HEATR4: variants seen among roughly 807,000 people sequenced by gnomAD.
HEATR4 encodes the protein HEAT repeat-containing protein 4.
Under a neutral mutation model 108.8 loss-of-function variants are expected in HEATR4, and 95 were observed. The ratio of observed to expected loss-of-function variants is 0.87; its 90% CI spans 0.74 to 1.04. The LOEUF is 1.04. Ranked by LOEUF, HEATR4 falls within the 50% of genes least tolerant of loss-of-function variation. The pLI, the probability that HEATR4 is intolerant of heterozygous loss-of-function variation, is 0.00. For missense variants in HEATR4, 1,152 were observed against 1,253.8 expected, an observed-to-expected ratio of 0.92 and a Z score of 1.23; for synonymous variants, 443 against 459.4, an observed-to-expected ratio of 0.96 and a Z score of 0.46.
the HEATR4 span, among the ~76,000 whole-genome samples, chr14:73,615,249 T>C: frequency 6.7e-6 from 1 of 149,302 alleles, no homozygotes; most frequent in Non-Finnish European, 1.5e-5. Flanking sequence ...TAGCCGGGCA[T>C]GGTGGCGGGC....
At chr14:73,601,231 C>T in the HEATR4 span, among the ~76,000 whole-genome samples, 1 of 152,194 alleles carries the variant, frequency 6.6e-6, no homozygotes, top group African/African-American at 2.4e-5. Flanking sequence ...TGACTGTCTT[C>T]CCAAAAATAT....
chr14:73,526,547 G>A (rs1888348530), intron 2 of HEATR4, among the ~76,000 whole-genome samples: 1 of 151,892 alleles, frequency 6.6e-6, no homozygotes, highest in Admixed American at 6.6e-5. Flanking sequence ...AAAGGAGAGG[G>A]AAGAGTACTC....
intron 17 of HEATR4, among the ~76,000 whole-genome samples, chr14:73,480,340 C>T (rs1176443546): frequency 1.3e-5 from 2 of 152,132 alleles, no homozygotes; most frequent in African/African-American, 4.8e-5. Context: ...ACTCGGGAGG[C>T]TGAGGCAGAA....
intron 8 of HEATR4, among the ~76,000 whole-genome samples, chr14:73,508,751 CAAAAAAAAA>C (rs770608293): frequency 1.2e-4 from 7 of 57,882 alleles, no homozygotes; most frequent in African/African-American, 4.6e-4. Flanking sequence ...AACTCTGTCT[CAAAAAAAAA>C]AAAAAAAAAA....
At chr14:73,619,418 T>A in the HEATR4 span, 15 of 1,614,176 alleles carry the variant, frequency 9.3e-6, no homozygotes, top group Non-Finnish European at 1.1e-5. Context: ...CTAGGAAAAG[T>A]AAAAATCACT....
chr14:73,576,932 C>CT, the HEATR4 span, among the ~76,000 whole-genome samples: 897 of 91,556 alleles, frequency 9.8e-3, 11 homozygotes, highest in South Asian at 0.028. Flanking sequence ...CTTTTCTTTT[C>CT]TTTTTTTTTT....
the HEATR4 span, chr14:73,567,786 G>A: frequency 6.6e-6 from 1 of 151,654 alleles, no homozygotes; most frequent in Admixed American, 6.6e-5. Flanking sequence ...CCACTGAGAG[G>A]AACAAGAAAA....
chr14:73,611,041 T>G, the HEATR4 span: 1 of 152,242 alleles, frequency 6.6e-6, no homozygotes, highest in Non-Finnish European at 1.5e-5. Flanking sequence ...GCTGCCTATC[T>G]GTAAGTAATA....
chr14:73,494,311 G>A (rs1595087621), intron 16 of HEATR4, among the ~76,000 whole-genome samples: 2 of 152,262 alleles, frequency 1.3e-5, no homozygotes, highest in Admixed American at 1.3e-4. Context: ...CTGATGCTAC[G>A]CTCAGGCACA....
the HEATR4 span, among the ~76,000 whole-genome samples, chr14:73,592,642 C>T: frequency 6.6e-6 from 1 of 152,138 alleles, no homozygotes; most frequent in Non-Finnish European, 1.5e-5. Context: ...CACTTGAGAT[C>T]AGGAGTTTGA....
chr14:73,491,207 G>A, intron 17 of HEATR4: 1 of 1,594,872 alleles, frequency 6.3e-7, no homozygotes, highest in East Asian at 2.3e-5. Flanking sequence ...CGAGAACTCG[G>A]AGGAATCGAG....
chr14:73,533,450 G>GCA (rs1232740407), intron 1 of HEATR4, among the ~76,000 whole-genome samples: 1 of 114,684 alleles, frequency 8.7e-6, no homozygotes, highest in Admixed American at 9.9e-5. Context: ...AGGCCGAGGA[G>GCA]GGTAGATCAC....
chr14:73,584,131 AAGAGAGCAC>A, the HEATR4 span, among the ~76,000 whole-genome samples: 1 of 151,866 alleles, frequency 6.6e-6, no homozygotes, highest in Non-Finnish European at 1.5e-5. Context: ...CCGAAAGGTA[AAGAGAGCAC>A]AGAGCATGAG....
At chr14:73,515,356 G>A (rs899520369) in intron 5 of HEATR4, among the ~76,000 whole-genome samples, 3 of 152,200 alleles carry the variant, frequency 2.0e-5, no homozygotes, top group Admixed American at 1.3e-4. Context: ...GAGCAAGGAA[G>A]ACATAACATT....
the HEATR4 span, chr14:73,592,230 T>G: frequency 6.2e-7 from 1 of 1,613,192 alleles, no homozygotes; most frequent in Non-Finnish European, 8.5e-7. Context: ...GAAGCCTTTT[T>G]GGCGCTTCCT....
At chr14:73,581,469 G>T in the HEATR4 span, 1 of 152,026 alleles carries the variant, frequency 6.6e-6, no homozygotes, top group Non-Finnish European at 1.5e-5. Context: ...CTGTGTATGT[G>T]TGTGTGTGTG....
chr14:73,506,675 A>G (rs1886848430), intron 9 of HEATR4, 104 bp from the exon 10 acceptor site: 1 of 820,360 alleles, frequency 1.2e-6, no homozygotes, highest in Non-Finnish European at 2.0e-6. Flanking sequence ...TAATGTCACC[A>G]GTGGGCTTAC....
chr14:73,509,809 CCCATATATATATAT>C (rs1306171974), intron 7 of HEATR4, among the ~76,000 whole-genome samples: 6 of 5,190 alleles, frequency 1.2e-3, no homozygotes, highest in Non-Finnish European at 1.3e-3. Flanking sequence ...GCCCCATGAG[CCCATATATATATAT>C]ATATATATAT....
At chr14:73,571,746 G>T in the HEATR4 span, 5 of 152,038 alleles carry the variant, frequency 3.3e-5, no homozygotes, top group African/African-American at 9.7e-5. Context: ...ATGGGGCCCA[G>T]AAATGTTCTT....
Sources: gnomAD v4.1 joint callset for allele counts (sites outside exome capture counted in the v4.1 genomes callset) on GRCh38, gnomAD v4.1.1 for gene constraint, MANE v1.5 for transcripts, NCBI Gene and HGNC (gene_info 2026-07-23, HGNC 2026-07-21) for gene names.